The following IPO11 variants were observed in gnomAD, a reference collection of about 807,000 sequenced individuals.
The protein encoded by IPO11 is importin-11.
A neutral mutation model predicts 143.2 loss-of-function variants in IPO11; 66 were observed. The observed-to-expected ratio is 0.46, with a 90% CI of 0.38 to 0.57. The LOEUF is 0.57. Ranked by LOEUF, IPO11 falls within the 20% of genes least tolerant of loss-of-function variation. The probability of loss-of-function intolerance (pLI) is 0.00; values close to 1 mark genes in which losing one functional copy is unlikely to be tolerated. For synonymous variants in IPO11, 385 were observed against 377.8 expected (o/e 1.02, Z -0.22); for missense variants, 1,026 against 1,141.0 (o/e 0.90, Z 1.45).
intron 3 of IPO11, among the ~76,000 whole-genome samples, chr5:62,445,156 T>C (rs541325449): frequency 1.3e-5 from 2 of 152,230 alleles, no homozygotes; most frequent in South Asian, 2.1e-4. Flanking sequence ...ATTGAACTTA[T>C]AAACTTAAGA....
intron 3 of IPO11, among the ~76,000 whole-genome samples, chr5:62,444,063 A>G (rs947687211): frequency 2.0e-5 from 3 of 152,070 alleles, no homozygotes; most frequent in Admixed American, 6.5e-5. Context: ...CACTTGGGAT[A>G]CTATATTACG....
At chr5:62,550,591 G>T in intron 25 of IPO11, 129 bp downstream of exon 25, 1 of 603,060 alleles carries the variant, frequency 1.7e-6, no homozygotes, top group East Asian at 3.0e-5. Context: ...AAATTTTCAG[G>T]GCGGTTAGAC....
At chr5:62,597,067 A>G (rs1393297207) in intron 28 of IPO11, among the ~76,000 whole-genome samples, 3 of 152,168 alleles carry the variant, frequency 2.0e-5, no homozygotes, top group Non-Finnish European at 4.4e-5. Context: ...GCTAATATAC[A>G]ATATTTAGTT....
chr5:62,470,455 C>T (rs1745726126), intron 7 of IPO11, 147 bp downstream of exon 7: 2 of 710,428 alleles, frequency 2.8e-6, no homozygotes, highest in South Asian at 3.6e-5. Context: ...TTTTAGACTT[C>T]TGGTCTGTTT....
intron 27 of IPO11, among the ~76,000 whole-genome samples, chr5:62,574,944 A>T (rs1744260309): frequency 6.6e-6 from 1 of 152,236 alleles, no homozygotes; most frequent in Admixed American, 6.5e-5. Flanking sequence ...TCATGCATAA[A>T]GTGCATAAAG....
At chr5:62,624,398 A>G (rs953752888) in intron 29 of IPO11, among the ~76,000 whole-genome samples, 3 of 152,062 alleles carry the variant, frequency 2.0e-5, no homozygotes, top group African/African-American at 7.2e-5. Context: ...TTACCCTACA[A>G]ATACCACCAT....
chr5:62,416,967 A>G (rs1012979611), intron 1 of IPO11, among the ~76,000 whole-genome samples: 1 of 152,004 alleles, frequency 6.6e-6, no homozygotes, highest in African/African-American at 2.4e-5. Flanking sequence ...TCCTGGGTTC[A>G]AGCGATCCAC....
chr5:62,517,163 A>T (rs1467358621), intron 20 of IPO11, among the ~76,000 whole-genome samples: 1 of 151,530 alleles, frequency 6.6e-6, no homozygotes, highest in Non-Finnish European at 1.5e-5. Context: ...GCGCCACTGC[A>T]CTCTAGCCTG....
rs575268715 is a variant in IPO11, at chr5:62,504,865, T to A, written c.1632T>A (p.Asp544Glu). The A allele has an allele frequency of 6.4e-7, 1 of 1,563,696 alleles. No homozygotes were observed. The highest frequency in any genetic ancestry group is 1.4e-5 in the African/African-American group (1 of 73,436). Residue 544 changes from aspartate to glutamate, a missense_variant, in exon 18 of 30, where the codon GAT becomes GAA. By Grantham distance (45) the Asp-to-Glu change is conservative. Around this residue, in one of 5 missense-constraint regions of IPO11, gnomAD observed 237 missense variants for 288.0 expected, o/e 0.82. Coordinates refer to ENST00000325324, the MANE Select transcript of IPO11 (RefSeq NM_016338.5). ...ETATTLKLTV[D>E]DFEFRTDQFL... ...TCCTTAACTGTTCTTCACCTGTTGA[T>A]GATTTTGAATTTAGAACAGATCAGT...
At chr5:62,417,520 A>G (rs1361679929) in intron 1 of IPO11, among the ~76,000 whole-genome samples, 1 of 150,834 alleles carries the variant, frequency 6.6e-6, no homozygotes, top group East Asian at 2.0e-4. Flanking sequence ...TATTTTCCTT[A>G]TTTCCTTCTT....
intron 26 of IPO11, among the ~76,000 whole-genome samples, chr5:62,559,669 C>T (rs752888544): frequency 6.6e-6 from 1 of 151,866 alleles, no homozygotes; most frequent in Admixed American, 6.6e-5. Context: ...GTAATCCCAG[C>T]ACTTTGGGAG....
intron 28 of IPO11, among the ~76,000 whole-genome samples, chr5:62,596,186 T>C (rs1317326329): frequency 6.7e-6 from 1 of 148,724 alleles, no homozygotes; most frequent in Non-Finnish European, 1.5e-5. Flanking sequence ...GGAAGATTGC[T>C]TGAGCCTGAG....
rs552850115 is a variant in IPO11, at chr5:62,598,894, T to TA, written c.2679-2862dup. On this transcript the variant is annotated intron_variant, in intron 28 of 29. Transcript: ENST00000325324. ...TAGCTGAAAGTCAGTTACATAGCCA[T>TA]AAAAAAAATCATTATTAAACAATTT... 1.9e-4 allele frequency among the ~76,000 whole-genome samples: 29 copies of TA among 151,696 alleles called. 1 individual carries two copies. The highest frequency in any genetic ancestry group is 1.7e-3 in the East Asian group (9 of 5,162).
chr5:62,483,247 G>A lies in IPO11; in HGVS notation c.975G>A (p.Lys325=). The change falls in exon 10 of 30, where the codon AAG becomes AAA. Residue 325 remains lysine (K), a synonymous_variant. Transcript: ENST00000325324. The part of the protein sequence containing the change: ...RFIVQCMNLI[K]MIVKNYAYKP... ...TTGTCCAATGTATGAATCTTATTAA[G>A]ATGATTGTCAAAAATTATGCTTATA... 1 of 1,605,950 alleles carries A rather than the reference G, an allele frequency of 6.2e-7. No homozygotes were observed. Among genetic ancestry groups the A allele is most frequent in the East Asian group, 2.2e-5 (1 of 44,564 alleles).
At chr5:62,419,248 G>A in intron 1 of IPO11, 1 of 1,140,690 alleles carries the variant, frequency 8.8e-7, no homozygotes, top group Non-Finnish European at 1.2e-6. Flanking sequence ...TGGAGGACTG[G>A]AAATTGGTTT....
At chr5:62,490,862 T>C (rs370607495) in intron 15 of IPO11, among the ~76,000 whole-genome samples, 8 of 152,264 alleles carry the variant, frequency 5.3e-5, no homozygotes, top group East Asian at 3.9e-4. Flanking sequence ...TCCAAGCGAT[T>C]CTTGTGCCTC....
At chr5:62,450,243 C>A (rs1744861723) in intron 4 of IPO11, among the ~76,000 whole-genome samples, 1 of 152,150 alleles carries the variant, frequency 6.6e-6, no homozygotes. Flanking sequence ...TCAGCTTTCT[C>A]ATTTTATGAG....
At position 62,494,195 on chromosome 5, in the gene IPO11, C is replaced by A. The variant is rs897900267; in HGVS notation, c.1590+71C>A. The stretch of plus-strand genomic sequence containing the variant: ...TCTGTGCAAATCATCAAGTTCACAA[C>A]AGTTTATGTCTTTTCTTTATGATGT... On this transcript the variant is annotated intron_variant, in intron 16 of 29. Transcript: ENST00000325324. 5 of 1,342,948 alleles carry A rather than the reference C, an allele frequency of 3.7e-6. No homozygotes were observed. In the African/African-American group the frequency reaches 7.4e-5, roughly 20 times the overall value. The allele number at this position is 1,342,948 out of a possible 1,614,324, so 83.2% of individuals were successfully genotyped here.
At chr5:62,614,554 G>A (rs1171960703) in intron 29 of IPO11, among the ~76,000 whole-genome samples, 5 of 152,114 alleles carry the variant, frequency 3.3e-5, no homozygotes, top group African/African-American at 9.7e-5. Context: ...CAGGATATGC[G>A]ACAGGGGTGT....
Sources: allele counts gnomAD v4.1 joint callset (sites outside exome capture counted in the v4.1 genomes callset), GRCh38; gene constraint gnomAD v4.1.1; regional missense constraint gnomAD v4.1.1; transcripts MANE v1.5; gene names NCBI Gene and HGNC (gene_info 2026-07-23, HGNC 2026-07-21).